PCDH11X: variants seen among roughly 807,000 people sequenced by gnomAD.
The protein encoded by PCDH11X is protocadherin-11 X-linked.
A neutral mutation model predicts 53.3 loss-of-function variants in PCDH11X; 18 were observed. That is an observed-to-expected ratio of 0.34 (90% confidence interval 0.23 to 0.50). PCDH11X has a LOEUF of 0.50. PCDH11X is among the 20% of genes least tolerant of loss of function. PCDH11X has a pLI of 0.98. For missense variants in PCDH11X, 570 were observed against 1,032.4 expected (o/e 0.55, Z 6.14); for synonymous variants, 279 against 393.3 (o/e 0.71, Z 3.44).
intron 6 of PCDH11X, among the ~76,000 whole-genome samples, chrX:92,200,937 G>A (rs12559401): frequency 0.035 from 3,661 of 104,625 alleles, 78 homozygotes; most frequent in East Asian, 0.19. Flanking sequence ...ATTGAGACAA[G>A]GTCTTGCTCT....
chrX:92,567,017 G>A (rs1284788604), intron 10 of PCDH11X, among the ~76,000 whole-genome samples: 2 of 105,427 alleles, frequency 1.9e-5, no homozygotes, highest in South Asian at 4.5e-4. Flanking sequence ...TGCTGTTTTG[G>A]TTACCGTAGC....
chrX:92,345,871 G>A (rs1286957578), intron 8 of PCDH11X, among the ~76,000 whole-genome samples: 4 of 104,017 alleles, frequency 3.8e-5, no homozygotes, highest in South Asian at 4.2e-4. Context: ...TATCAGAAAC[G>A]TATCAAAGTT....
At chrX:92,329,134 C>A (rs1288235874) in intron 8 of PCDH11X, among the ~76,000 whole-genome samples, 1 of 111,121 alleles carries the variant, frequency 9.0e-6, no homozygotes, top group Non-Finnish European at 1.9e-5. Flanking sequence ...GTTTAACATT[C>A]AAAAATCTAT....
At chrX:92,183,366 C>T (rs1460950820) in intron 6 of PCDH11X, among the ~76,000 whole-genome samples, 1 of 106,400 alleles carries the variant, frequency 9.4e-6, no homozygotes, top group African/African-American at 3.5e-5. Flanking sequence ...AAGTGATTCT[C>T]CTGCCTCAGC....
intron 1 of PCDH11X, among the ~76,000 whole-genome samples, chrX:91,806,687 T>C (rs959033687): frequency 2.7e-5 from 3 of 112,500 alleles, no homozygotes; most frequent in African/African-American, 9.7e-5. Flanking sequence ...CAAACTGGAA[T>C]GTGGTACTTG....
intron 6 of PCDH11X, among the ~76,000 whole-genome samples, chrX:91,947,266 T>C (rs5942102): frequency 0.37 from 40,420 of 108,282 alleles, 5,850 homozygotes; most frequent in East Asian, 0.61. Flanking sequence ...ATCAACATCA[T>C]TCAAGTGCAA....
chrX:91,822,769 G>T (rs1254063795), intron 4 of PCDH11X, among the ~76,000 whole-genome samples: 2 of 111,298 alleles, frequency 1.8e-5, no homozygotes, highest in Non-Finnish European at 3.8e-5. Flanking sequence ...TGATACTAGG[G>T]TGTCAATTTT....
chrX:92,219,164 C>A lies in PCDH11X; in HGVS notation c.3114+17709C>A, dbSNP rs1489995700. On this transcript the variant is annotated intron_variant, in intron 7 of 10. Transcript: ENST00000682573. ...GACAGGGATGCCCTCTCTCACCACT[C>A]CTATTCAACATAGTGTTGGAAGTTC... Among the ~76,000 whole-genome samples, 7 of 110,915 alleles carry A rather than the reference C, an allele frequency of 6.3e-5. No individual in the cohort carries two copies. In the East Asian group the frequency reaches 1.4e-3, roughly 23 times the overall value.
chrX:92,313,974 T>C (rs1437946820), intron 8 of PCDH11X, among the ~76,000 whole-genome samples: 5 of 111,548 alleles, frequency 4.5e-5, no homozygotes, highest in Admixed American at 1.9e-4. Flanking sequence ...TACTGTACAC[T>C]ACTGTAGACT....
chrX:92,264,414 G>C (rs2067780751), intron 8 of PCDH11X, among the ~76,000 whole-genome samples: 1 of 111,665 alleles, frequency 9.0e-6, no homozygotes, highest in Non-Finnish European at 1.9e-5. Flanking sequence ...AAGATCTCCA[G>C]TTAAAAGGAA....
chrX:92,211,296 C>A (rs2066581649), intron 7 of PCDH11X, among the ~76,000 whole-genome samples: 1 of 110,956 alleles, frequency 9.0e-6, no homozygotes, highest in African/African-American at 3.3e-5. Context: ...AGTGAAGGGG[C>A]AAGTCCTCCA....
intron 10 of PCDH11X, among the ~76,000 whole-genome samples, chrX:92,580,518 G>T (rs1452511912): frequency 5.5e-5 from 6 of 109,553 alleles, no homozygotes; most frequent in Non-Finnish European, 1.1e-4. Flanking sequence ...GTCAGGCCAT[G>T]ATCTGCCACA....
At chrX:92,574,533 G>T (rs1922587850) in intron 10 of PCDH11X, among the ~76,000 whole-genome samples, 1 of 109,526 alleles carries the variant, frequency 9.1e-6, no homozygotes, top group Non-Finnish European at 1.9e-5. Context: ...CCCAATACAT[G>T]AAGAGAATAT....
intron 8 of PCDH11X, among the ~76,000 whole-genome samples, chrX:92,342,472 T>C (rs2069787433): frequency 9.0e-6 from 1 of 110,979 alleles, no homozygotes; most frequent in South Asian, 3.9e-4. Context: ...AAACAGTGGA[T>C]TGGTTAAAGA....
intron 9 of PCDH11X, among the ~76,000 whole-genome samples, chrX:92,430,542 G>A (rs1314405279): frequency 1.1e-5 from 1 of 93,883 alleles, no homozygotes; most frequent in Non-Finnish European, 2.3e-5. Flanking sequence ...CTATGTGGTT[G>A]AACTTTGACC....
chrX:92,185,881 A>C (rs1277288844), intron 6 of PCDH11X, among the ~76,000 whole-genome samples: 1 of 111,576 alleles, frequency 9.0e-6, no homozygotes, highest in Non-Finnish European at 1.9e-5. Context: ...AAGGATGAAG[A>C]GAATGGGAAC....
chrX:92,148,696 C>T (rs1334375722), intron 6 of PCDH11X, among the ~76,000 whole-genome samples: 2 of 107,920 alleles, frequency 1.9e-5, no homozygotes, highest in Non-Finnish European at 3.8e-5. Flanking sequence ...TTTATAAGAT[C>T]ATCTGCAAGC....
At chrX:91,956,977 T>C (rs1397089878) in intron 6 of PCDH11X, among the ~76,000 whole-genome samples, 3 of 106,574 alleles carry the variant, frequency 2.8e-5, no homozygotes, top group African/African-American at 1.0e-4. Context: ...TTCTCTATTT[T>C]TGTCTGCCTG....
At chrX:92,304,235 G>C (rs1459825850) in intron 8 of PCDH11X, among the ~76,000 whole-genome samples, 1 of 108,092 alleles carries the variant, frequency 9.3e-6, no homozygotes, top group Non-Finnish European at 1.9e-5. Flanking sequence ...TTTTATTGAA[G>C]GCTTTTACTC....
Sources: gnomAD v4.1 joint callset for allele counts (sites outside exome capture counted in the v4.1 genomes callset) on GRCh38, gnomAD v4.1.1 for gene constraint, MANE v1.5 for transcripts, NCBI Gene and HGNC (gene_info 2026-07-23, HGNC 2026-07-21) for gene names.